Variants in FBXO34 observed in about 807,000 individuals in gnomAD.
FBXO34 encodes the protein F-box only protein 34.
FBXO34 carries 12 observed loss-of-function variants against 24.5 expected under a neutral mutation model. That is an observed-to-expected ratio of 0.49 (90% confidence interval 0.31 to 0.79). FBXO34 has a LOEUF of 0.79. Ranked by LOEUF, FBXO34 falls within the 30% of genes least tolerant of loss-of-function variation. The pLI is 0.04. For missense variants in FBXO34, 823 were observed against 857.7 expected, an observed-to-expected ratio of 0.96 and a Z score of 0.51; for synonymous variants, 320 against 311.9, an observed-to-expected ratio of 1.03 and a Z score of -0.27.
At chr14:55,376,420 A>C in the FBXO34 span, among the ~76,000 whole-genome samples, 1 of 152,242 alleles carries the variant, frequency 6.6e-6, no homozygotes, top group Admixed American at 6.5e-5. Flanking sequence ...TCCATGGCTC[A>C]TGAACCAATG....
the FBXO34 span, among the ~76,000 whole-genome samples, chr14:55,430,879 T>TA: frequency 6.6e-6 from 1 of 152,224 alleles, no homozygotes; most frequent in Non-Finnish European, 1.5e-5. Context: ...ACATTTCCCG[T>TA]AATGTAAATA....
At chr14:55,411,560 C>G in the FBXO34 span, 3 of 1,560,346 alleles carry the variant, frequency 1.9e-6, no homozygotes, top group Non-Finnish European at 2.6e-6. Context: ...GGCTGGAGGA[C>G]ACACAGCAGA....
chr14:55,352,684 G>T lies in FBXO34; in HGVS notation c.*158G>T, dbSNP rs1404303198. ...GGCATTTTCTAAACTCTAAATTTACGAGCTGTACAAAAAAATTGGTCTTGT... is the reference window on the plus strand; with the variant it reads ...GGCATTTTCTAAACTCTAAATTTACTAGCTGTACAAAAAAATTGGTCTTGT... On this transcript the variant is annotated 3_prime_UTR_variant, in exon 2 of 2. Transcript: ENST00000313833. The T allele has an allele frequency of 9.1e-6, 6 of 659,216 alleles. No individual in the cohort carries two copies. The highest frequency in any genetic ancestry group is 1.5e-5 in the Non-Finnish European group (6 of 410,004). The allele number at this position is 659,216 out of a possible 1,614,324, so 40.8% of individuals were successfully genotyped here.
chr14:55,393,548 ATT>A, the FBXO34 span, among the ~76,000 whole-genome samples: 20 of 142,800 alleles, frequency 1.4e-4, no homozygotes, highest in Admixed American at 2.1e-4. Context: ...ATCTTTTCAG[ATT>A]TTTTTTTTTT....
At chr14:55,435,935 C>G in the FBXO34 span, 5 of 1,557,650 alleles carry the variant, frequency 3.2e-6, no homozygotes, top group Non-Finnish European at 4.3e-6. Context: ...AACTATATTC[C>G]TGAAGAAATA....
chr14:55,313,850 A>G (rs1882835374), intron 1 of FBXO34, among the ~76,000 whole-genome samples: 1 of 152,206 alleles, frequency 6.6e-6, no homozygotes, highest in Admixed American at 6.5e-5. Context: ...TGGGGATTAT[A>G]ATTCAAGATG....
At position 55,321,164 on chromosome 14, in the gene FBXO34, G is replaced by GTT. The variant is rs11454602; in HGVS notation, c.-10-29204_-10-29203dup. On this transcript the variant is annotated intron_variant, in intron 1 of 1. Coordinates refer to ENST00000313833, the MANE Select transcript of FBXO34 (RefSeq NM_017943.4). ...TGTAAAAGCAAGGCTGATATGGGCG[G>GTT]TTTTTTTTTTTTTTAATTCAGTGAC... Among the ~76,000 whole-genome samples the GTT allele has an allele frequency of 6.0e-3, 851 of 140,876 alleles. 7 individuals are homozygous for GTT. The highest frequency in any genetic ancestry group is 0.02 in the Admixed American group (287 of 14,198). 92.4% of individuals were successfully genotyped at this position (140,876 alleles called of 152,430 possible).
At chr14:55,411,663 T>TCAGCCGCCG in the FBXO34 span, 1 of 1,613,456 alleles carries the variant, frequency 6.2e-7, no homozygotes, top group Non-Finnish European at 8.5e-7. Context: ...TTGGCGCAGG[T>TCAGCCGCCG]CAGCCGCCGG....
downstream of FBXO34, among the ~76,000 whole-genome samples, chr14:55,354,860 G>A (rs1056439673): frequency 7.2e-5 from 11 of 152,040 alleles, no homozygotes; most frequent in African/African-American, 2.4e-4. Context: ...GTAGTGTGCC[G>A]CACTACCTGC....
chr14:55,438,150 AT>A, the FBXO34 span, among the ~76,000 whole-genome samples: 1 of 152,092 alleles, frequency 6.6e-6, no homozygotes, highest in Non-Finnish European at 1.5e-5. Context: ...AAAAGATCTT[AT>A]TTCTTTTCTG....
At chr14:55,302,974 C>G (rs1224996713) in intron 1 of FBXO34, among the ~76,000 whole-genome samples, 1 of 152,188 alleles carries the variant, frequency 6.6e-6, no homozygotes, top group Non-Finnish European at 1.5e-5. Flanking sequence ...GTCAGCCGAT[C>G]ATGGGATTGA....
the FBXO34 span, chr14:55,380,786 C>A: frequency 1.3e-6 from 1 of 750,336 alleles, no homozygotes; most frequent in Non-Finnish European, 2.1e-6. Flanking sequence ...ATCATGATAG[C>A]ACTGTTACGT....
chr14:55,429,766 C>CAA, the FBXO34 span, among the ~76,000 whole-genome samples: 762 of 51,544 alleles, frequency 0.015, 12 homozygotes, highest in African/African-American at 0.031. Flanking sequence ...AACTCCGTCT[C>CAA]AAAAAAAAAA....
chr14:55,389,864 A>C, the FBXO34 span, among the ~76,000 whole-genome samples: 1 of 152,192 alleles, frequency 6.6e-6, no homozygotes, highest in South Asian at 2.1e-4. Context: ...AGGACTTCTA[A>C]GAGAATTCAT....
At position 55,351,125 on chromosome 14, in the gene FBXO34, G is replaced by C; in HGVS notation, c.735G>C (p.Val245=). ...IVRFSGQSRG[V]PAVSESYSAP... ...GGTTTTCTGGCCAATCCAGAGGTGT[G>C]CCTGCAGTGTCTGAGTCCTATTCTG... The change falls in exon 2 of 2, where the codon GTG becomes GTC. Residue 245 remains valine (V), a synonymous_variant. Transcript: ENST00000313833. 6.2e-7 allele frequency: 1 copy of C among 1,614,200 alleles called. No homozygotes were observed. The highest frequency in any genetic ancestry group is 8.5e-7 in the Non-Finnish European group (1 of 1,180,042).
the FBXO34 span, chr14:55,411,920 C>CTGGGGAAGGGG: frequency 8.7e-7 from 1 of 1,152,568 alleles, no homozygotes; most frequent in Non-Finnish European, 1.2e-6. Context: ...GCTGGGATGC[C>CTGGGGAAGGGG]GGCGAGCCCC....
the FBXO34 span, chr14:55,395,189 T>C: frequency 4.6e-6 from 2 of 435,216 alleles, no homozygotes. Context: ...TCTTGGGCTC[T>C]TCCTCTGTGG....
At chr14:55,397,369 C>T in the FBXO34 span, 3 of 1,612,462 alleles carry the variant, frequency 1.9e-6, no homozygotes, top group African/African-American at 2.7e-5. Context: ...ACAAAACACT[C>T]ACTCTTTCTG....
chr14:55,312,217 A>G (rs1352047845), intron 1 of FBXO34, among the ~76,000 whole-genome samples: 1 of 152,008 alleles, frequency 6.6e-6, no homozygotes, highest in Non-Finnish European at 1.5e-5. Context: ...AAACAAACAA[A>G]CAAAAAACCT....
Sources: gnomAD v4.1 joint callset for allele counts (sites outside exome capture counted in the v4.1 genomes callset) on GRCh38, gnomAD v4.1.1 for gene constraint, MANE v1.5 for transcripts, NCBI Gene and HGNC (gene_info 2026-07-23, HGNC 2026-07-21) for gene names.